RBPJ: variants seen among roughly 807,000 people sequenced by gnomAD.
RBPJ encodes the protein recombining binding protein suppressor of hairless.
In RBPJ, 9 loss-of-function variants were observed where a neutral mutation model predicts 67.8. The ratio of observed to expected loss-of-function variants is 0.13; its 90% confidence interval spans 0.08 to 0.23. The LOEUF (loss-of-function observed/expected upper bound fraction) is 0.23. RBPJ is among the 10% of genes least tolerant of loss of function. The pLI is 1.00. For synonymous variants in RBPJ, 198 were observed against 203.3 expected (o/e 0.97, Z 0.22); for missense variants, 305 against 595.6 (o/e 0.51, Z 5.08).
At chr4:26,326,403 A>G (rs1231493392) in intron 1 of RBPJ, among the ~76,000 whole-genome samples, 3 of 151,998 alleles carry the variant, frequency 2.0e-5, no homozygotes, top group Non-Finnish European at 4.4e-5. Flanking sequence ...TGTTTTTTAT[A>G]TGATTGGCTG....
At position 26,184,277 on chromosome 4, in the gene RBPJ, C is replaced by T. The variant is rs560863661; in HGVS notation, c.-167+20663C>T. 2.0e-5 allele frequency among the ~76,000 whole-genome samples: 3 copies of T among 151,962 alleles called. No homozygotes were observed. The South Asian group carries it at 6.2e-4, about 32-fold the overall frequency. On this transcript the variant is annotated intron_variant, in intron 1 of 4. Coordinates refer to the RBPJ transcript ENST00000512351. Reference sequence around the variant, plus strand: ...GGTGGACTATTCAAGGGGCCCGTGGCCATAGGTACAGGGATCACTGCAATG... The same window carrying T: ...GGTGGACTATTCAAGGGGCCCGTGGTCATAGGTACAGGGATCACTGCAATG...
intron 1 of RBPJ, among the ~76,000 whole-genome samples, chr4:26,166,911 A>G (rs1716330699): frequency 6.6e-6 from 1 of 152,176 alleles, no homozygotes; most frequent in Non-Finnish European, 1.5e-5. Flanking sequence ...TAAGGAAGAG[A>G]TCCAATTTCA....
At chr4:26,169,979 C>A (rs1716504583) in intron 1 of RBPJ, among the ~76,000 whole-genome samples, 1 of 152,134 alleles carries the variant, frequency 6.6e-6, no homozygotes, top group Non-Finnish European at 1.5e-5. Context: ...CCGTCTGTCA[C>A]CCCTTTCCTT....
chr4:26,132,819 C>T, the RBPJ span, among the ~76,000 whole-genome samples: 3 of 152,204 alleles, frequency 2.0e-5, no homozygotes, highest in South Asian at 6.2e-4. Flanking sequence ...CCCCCCCACC[C>T]CACATCCCAG....
chr4:26,383,796 C>G (rs1472462793), intron 1 of RBPJ: 3 of 152,098 alleles, frequency 2.0e-5, no homozygotes, highest in Admixed American at 2.0e-4. Flanking sequence ...ATCAGTAGTT[C>G]AGTGTTTTGA....
At chr4:26,108,989 C>T in the RBPJ span, among the ~76,000 whole-genome samples, 2 of 152,052 alleles carry the variant, frequency 1.3e-5, no homozygotes, top group Non-Finnish European at 2.9e-5. Context: ...CTGTCCTTGT[C>T]TGGAAAGTGA....
chr4:26,336,246 A>G (rs1466360894), intron 1 of RBPJ, among the ~76,000 whole-genome samples: 1 of 152,180 alleles, frequency 6.6e-6, no homozygotes, highest in Non-Finnish European at 1.5e-5. Flanking sequence ...TTTCCTTCCA[A>G]ACTCTAGTTC....
Position 26,433,427 on chromosome 4 carries a change from A to G in RBPJ, c.*2420A>G, listed in dbSNP as rs949351412. 9 of 152,238 alleles carry G rather than the reference A, an allele frequency of 5.9e-5. No individual in the cohort carries two copies. The highest frequency in any genetic ancestry group is 2.2e-4 in the African/African-American group (9 of 41,468). 9.4% of individuals were successfully genotyped at this position (152,238 alleles called of 1,614,324 possible). On this transcript the variant is annotated 3_prime_UTR_variant, in exon 11 of 11. Coordinates refer to ENST00000355476, the MANE Select transcript of RBPJ (RefSeq NM_015874.6). The stretch of plus-strand genomic sequence containing the variant: ...TCATATTAAATTAACCAATAACAAA[A>G]GAGATACTTTTGAAGAACAAACTAT...
intron 1 of RBPJ, among the ~76,000 whole-genome samples, chr4:26,282,022 G>A (rs139965495): frequency 7.9e-5 from 12 of 152,128 alleles, no homozygotes; most frequent in Non-Finnish European, 1.6e-4. Context: ...AGATTTTCAT[G>A]CAAACTTTAT....
chr4:26,378,034 C>T (rs898135553), intron 1 of RBPJ, among the ~76,000 whole-genome samples: 12 of 152,088 alleles, frequency 7.9e-5, no homozygotes, highest in South Asian at 2.1e-4. Flanking sequence ...ATTTCTCTTT[C>T]GAAGTTGATG....
At position 26,429,912 on chromosome 4, in the gene RBPJ, A is replaced by T. The variant is rs1736043825; in HGVS notation, c.903A>T (p.Pro301=). The T allele has an allele frequency of 6.2e-7, 1 of 1,612,832 alleles. No homozygotes were observed. Among genetic ancestry groups the T allele is most frequent in the Non-Finnish European group, 8.5e-7 (1 of 1,179,844 alleles). ...RIIQFQATPC[P]KEPNKEMIND... is the part of the protein sequence containing the mutation. ...TTCTTTATTAGGCCACTCCATGTCC[A>T]AAAGAACCAAATAAAGAGATGATAA... Residue 301 remains proline (P), a synonymous_variant, in exon 9 of 11, where the codon CCA becomes CCT. Transcript: ENST00000355476.
intron 4 of RBPJ, among the ~76,000 whole-genome samples, chr4:26,417,255 A>C (rs1316434042): frequency 6.6e-6 from 1 of 152,188 alleles, no homozygotes; most frequent in African/African-American, 2.4e-5. Flanking sequence ...AGTAATTTTA[A>C]ATGAGGTGAT....
chr4:26,224,489 G>A (rs1262755938), intron 1 of RBPJ, among the ~76,000 whole-genome samples: 2 of 152,050 alleles, frequency 1.3e-5, no homozygotes, highest in Non-Finnish European at 2.9e-5. Flanking sequence ...CCTAAGTGTC[G>A]GCTGGTCTGA....
intron 1 of RBPJ, among the ~76,000 whole-genome samples, chr4:26,326,634 AG>A (rs2109341159): frequency 6.6e-6 from 1 of 151,988 alleles, no homozygotes; most frequent in East Asian, 1.9e-4. Flanking sequence ...TCTATAAAAT[AG>A]GGGATGATAA....
In RBPJ at chr4:26,243,084, G is replaced by A. The variant is rs550373651; in HGVS notation, c.-167+79470G>A. Among the ~76,000 whole-genome samples the A allele has an allele frequency of 5.3e-4, 80 of 152,116 alleles. 1 individual carries two copies. Among genetic ancestry groups the A allele is most frequent in the Admixed American group, 1.2e-3 (19 of 15,272 alleles). On this transcript the variant is annotated intron_variant, in intron 1 of 4. Transcript: ENST00000512351. ...TCTACTAAAAATACAAAAAGTAGCC[G>A]GGCATGGTGGCCGGCGCCTGTAATC...
the RBPJ span, among the ~76,000 whole-genome samples, chr4:26,133,355 C>T: frequency 1.3e-5 from 2 of 152,182 alleles, no homozygotes; most frequent in Admixed American, 6.5e-5. Context: ...AGACAGATTG[C>T]TTGAGCTCAG....
intron 1 of RBPJ, among the ~76,000 whole-genome samples, chr4:26,303,938 G>T (rs1722156247): frequency 6.6e-6 from 1 of 152,124 alleles, no homozygotes; most frequent in South Asian, 2.1e-4. Flanking sequence ...GTGGTTTATA[G>T]TATATTCAGA....
chr4:26,345,805 G>T (rs890369092), intron 1 of RBPJ, among the ~76,000 whole-genome samples: 1 of 152,050 alleles, frequency 6.6e-6, no homozygotes, highest in Non-Finnish European at 1.5e-5. Flanking sequence ...ACCCCATCCC[G>T]TACTTTGAGG....
At chr4:26,421,218 A>G (rs957281204) in intron 5 of RBPJ, among the ~76,000 whole-genome samples, 4 of 152,130 alleles carry the variant, frequency 2.6e-5, no homozygotes, top group South Asian at 2.1e-4. Context: ...TCATCAGCCT[A>G]TTTTTAGACT....
Sources: allele counts gnomAD v4.1 joint callset (sites outside exome capture counted in the v4.1 genomes callset), GRCh38; gene constraint gnomAD v4.1.1; transcripts MANE v1.5; gene names NCBI Gene and HGNC (gene_info 2026-07-23, HGNC 2026-07-21).